The following HLA-DMB variants were observed in gnomAD, a reference collection of about 807,000 sequenced individuals.
HLA-DMB encodes the protein HLA class II histocompatibility antigen, DM beta chain.
A neutral mutation model predicts 29.3 loss-of-function variants in HLA-DMB; 18 were observed. The observed-to-expected ratio is 0.62, with a 90% CI of 0.43 to 0.91. The LOEUF (loss-of-function observed/expected upper bound fraction) is 0.91, where lower values mean the gene tolerates loss of function less well. HLA-DMB is among the 40% of genes least tolerant of loss of function. The pLI, the probability that HLA-DMB is intolerant of heterozygous loss-of-function variation, is 0.00. For missense variants in HLA-DMB, 258 were observed against 320.9 expected, an observed-to-expected ratio of 0.80 and a Z score of 1.50; for synonymous variants, 143 against 128.7, an observed-to-expected ratio of 1.11 and a Z score of -0.75.
chr6:32,940,855 T>G lies in HLA-DMB; in HGVS notation c.-48A>C. The G allele has an allele frequency of 8.8e-5, 131 of 1,485,534 alleles. No homozygotes were observed. Among genetic ancestry groups the G allele is most frequent in the Middle Eastern group, 3.7e-4 (2 of 5,438 alleles). 92.0% of individuals were successfully genotyped at this position (1,485,534 alleles called of 1,614,324 possible). On this transcript the variant is annotated 5_prime_UTR_variant, in exon 1 of 6. Coordinates refer to ENST00000418107, the MANE Select transcript of HLA-DMB (RefSeq NM_002118.5). ...GGAGTTCAGTCCCCTGGACCAGCTC[T>G]TCCAGGGTCCGTGGGTCCTCGCCTG...
At chr6:32,936,398 G>C (rs181570300) in intron 3 of HLA-DMB, 12 of 152,434 alleles carry the variant, frequency 7.9e-5, no homozygotes, top group Admixed American at 5.2e-4. Flanking sequence ...TCCCACAAGG[G>C]GAAACCTGGT....
intron 3 of HLA-DMB, chr6:32,936,961 A>C (rs551195484): frequency 3.4e-5 from 14 of 412,198 alleles, no homozygotes; most frequent in Non-Finnish European, 6.0e-5. Context: ...TGCCACTGAA[A>C]GTAATGGCAA....
rs546191235 is a variant in HLA-DMB, at chr6:32,940,043, T to TAA, written c.55+708_55+709dup. On this transcript the variant is annotated intron_variant, in intron 1 of 5. Transcript: ENST00000418107. ...ATATAGGAGAATTGGTTGGTATGAGTAAAAAAAAAAAAAAAACCTCACACA... is the reference window on the plus strand; with the variant it reads ...ATATAGGAGAATTGGTTGGTATGAGTAAAAAAAAAAAAAAAAAACCTCACACA... Among the ~76,000 whole-genome samples, 56 of 131,918 alleles carry TAA rather than the reference T, an allele frequency of 4.2e-4. 2 individuals carry two copies. In the East Asian group the frequency reaches 5.3e-3, roughly 12 times the overall value. 86.5% of individuals were successfully genotyped at this position (131,918 alleles called of 152,430 possible). A position where few individuals can be genotyped will look rare whatever the true frequency, so the allele number is the denominator to read the frequency against.
In HLA-DMB at chr6:32,937,280, A is replaced by G; in HGVS notation, c.514T>C (p.Trp172Arg). The stretch of plus-strand genomic sequence containing the variant: ...AAATGGGAGAGGGTCTGGTATGTCC[A>G]GTCTCCATTGGGCTGGGCAGTCTTG... ...AHKTAQPNGDWTYQTLSHLAL... is the reference protein window; with the variant it reads ...AHKTAQPNGDRTYQTLSHLAL... Residue 172 changes from tryptophan to arginine, a missense_variant, in exon 3 of 6, where the codon TGG (tryptophan) becomes CGG (arginine). By Grantham distance (101) the Trp-to-Arg change is moderately radical (BLOSUM62 -3). Coordinates refer to ENST00000418107, the MANE Select transcript of HLA-DMB (RefSeq NM_002118.5). The surrounding 1 kb of genome is among the most constrained non-coding windows in gnomAD (Gnocchi z 4.1). The G allele has an allele frequency of 6.2e-7, 1 of 1,614,154 alleles. No individual in the cohort carries two copies. Among genetic ancestry groups the G allele is most frequent in the Non-Finnish European group, 8.5e-7 (1 of 1,180,018 alleles).
intron 1 of HLA-DMB, among the ~76,000 whole-genome samples, chr6:32,939,416 G>A (rs899125399): frequency 2.0e-5 from 3 of 152,224 alleles, no homozygotes; most frequent in Non-Finnish European, 4.4e-5. Flanking sequence ...ATGCCAGGAG[G>A]TGAAGTACCC....
In HLA-DMB at chr6:32,937,304, T is replaced by G. The variant is rs761891564; in HGVS notation, c.490A>C (p.Lys164Gln). ...KLVMPHSSAH[K>Q]TAQPNGDWTY... ...CAGTCTCCATTGGGCTGGGCAGTCTTGTGCGCACTGCTGTGAGGCATGACA... is the reference window on the plus strand; with the variant it reads ...CAGTCTCCATTGGGCTGGGCAGTCTGGTGCGCACTGCTGTGAGGCATGACA... The change falls in exon 3 of 6, where the codon AAG becomes CAG. Residue 164 changes from lysine (K) to glutamine (Q), a missense_variant. Lys to Gln is a moderately conservative substitution (Grantham distance 53, BLOSUM62 1). Coordinates refer to ENST00000418107, the MANE Select transcript of HLA-DMB (RefSeq NM_002118.5). The surrounding 1 kb of genome is among the most constrained non-coding windows in gnomAD (Gnocchi z 4.1). 1.2e-6 allele frequency: 2 copies of G among 1,614,044 alleles called. No individual in the cohort carries two copies. The highest frequency in any genetic ancestry group is 1.7e-6 in the Non-Finnish European group (2 of 1,180,026).
At chr6:32,936,984 C>T in intron 3 of HLA-DMB, 188 bp downstream of exon 3, 1 of 435,756 alleles carries the variant, frequency 2.3e-6, no homozygotes, top group Non-Finnish European at 4.0e-6. Context: ...ACTGCAATTA[C>T]TTTTGCACCA....
At chr6:32,938,592 A>G in intron 2 of HLA-DMB, 92 bp downstream of exon 2, 2 of 1,255,872 alleles carry the variant, frequency 1.6e-6, no homozygotes, top group Non-Finnish European at 2.1e-6. Context: ...TTGCTGCTCA[A>G]ATCTCAAACC....
Sources: allele counts gnomAD v4.1 joint callset (sites outside exome capture counted in the v4.1 genomes callset), GRCh38; gene constraint gnomAD v4.1.1; non-coding constraint Gnocchi (gnomAD v3.1); transcripts MANE v1.5; gene names NCBI Gene and HGNC (gene_info 2026-07-23, HGNC 2026-07-21).